TMEM44: variants seen among roughly 807,000 people sequenced by gnomAD.
The protein encoded by TMEM44 is transmembrane protein 44.
TMEM44 carries 43 observed loss-of-function variants against 47.8 expected under a neutral mutation model. The ratio of observed to expected loss-of-function variants is 0.90; its 90% CI spans 0.70 to 1.16. The LOEUF is 1.16. TMEM44 is among the 50% of genes most tolerant of loss of function. The pLI, the probability that TMEM44 is intolerant of heterozygous loss-of-function variation, is 0.00. For synonymous variants in TMEM44, 277 were observed against 238.8 expected (o/e 1.16, Z -1.48); for missense variants, 568 against 555.2 (o/e 1.02, Z -0.23).
chr3:194,632,983 C>A, intron 1 of TMEM44, 96 bp downstream of exon 1: 1 of 1,478,406 alleles, frequency 6.8e-7, no homozygotes. Context: ...CCTTCATCCC[C>A]CTTTCCGCCC....
chr3:194,603,404 CTT>C (rs529989131), intron 9 of TMEM44, among the ~76,000 whole-genome samples: 8 of 146,322 alleles, frequency 5.5e-5, no homozygotes, highest in South Asian at 4.4e-4. Context: ...AGCACTGAGA[CTT>C]TTTTTTTTTT....
chr3:194,597,592 GGAGGTTGCCCTGAGCC>G (rs1490414512), intron 9 of TMEM44, among the ~76,000 whole-genome samples: 5 of 151,592 alleles, frequency 3.3e-5, no homozygotes, highest in African/African-American at 4.9e-5. Flanking sequence ...CCTGGGAGGT[GGAGGTTGCCCTGAGCC>G]GAGATTGCGC....
intron 1 of TMEM44, 150 bp from the exon 2 acceptor site, chr3:194,628,659 T>C: frequency 2.1e-6 from 2 of 958,722 alleles, no homozygotes; most frequent in Non-Finnish European, 2.9e-6. Context: ...AGTTTACAGA[T>C]GGGAACCAAT....
intron 3 of TMEM44, among the ~76,000 whole-genome samples, chr3:194,624,115 G>A (rs73195053): frequency 0.083 from 12,589 of 152,248 alleles, 597 homozygotes; most frequent in African/African-American, 0.12. Context: ...TGGCACCAGC[G>A]GGAACTGTGC....
At chr3:194,627,370 A>C (rs1333699954) in intron 2 of TMEM44, among the ~76,000 whole-genome samples, 1 of 152,212 alleles carries the variant, frequency 6.6e-6, no homozygotes, top group Non-Finnish European at 1.5e-5. Context: ...GACCAGTCCC[A>C]TGAGGTGCCT....
intron 1 of TMEM44, 111 bp from the exon 2 acceptor site, chr3:194,628,620 C>A: frequency 1.5e-6 from 2 of 1,329,122 alleles, no homozygotes; most frequent in Admixed American, 2.8e-5. Flanking sequence ...TCTTTCTGCC[C>A]GAGGTATTTA....
At chr3:194,597,659 A>G (rs1713586920) in intron 9 of TMEM44, among the ~76,000 whole-genome samples, 2 of 151,748 alleles carry the variant, frequency 1.3e-5, no homozygotes, top group South Asian at 2.1e-4. Context: ...CAAAAAAAAA[A>G]AAAAAAGAAA....
chr3:194,595,626 A>AT (rs1183156467), intron 9 of TMEM44, among the ~76,000 whole-genome samples: 31 of 145,466 alleles, frequency 2.1e-4, no homozygotes, highest in African/African-American at 3.8e-4. Context: ...CTCATTCTCT[A>AT]TTTTTTTTTT....
chr3:194,607,236 T>C (rs755433669), intron 8 of TMEM44, among the ~76,000 whole-genome samples: 17 of 152,178 alleles, frequency 1.1e-4, no homozygotes, highest in Admixed American at 4.6e-4. Context: ...CTGCTTGCCT[T>C]TGCCTTCCCC....
At chr3:194,621,079 G>A (rs140121119) in intron 5 of TMEM44, among the ~76,000 whole-genome samples, 16 of 151,996 alleles carry the variant, frequency 1.1e-4, no homozygotes, top group South Asian at 2.1e-4. Context: ...CTGTGAATGC[G>A]GCCTTATTTG....
rs1226669496 is a variant in TMEM44, at chr3:194,633,152, C to A, written c.64G>T (p.Ala22Ser). ...WDWDYLDRCFARHRVCISFGL... is the reference protein window; with the variant it reads ...WDWDYLDRCFSRHRVCISFGL... ...AAGGAGATGCAGACGCGGTGGCGGG[C>A]GAAGCAGCGGTCCAGGTAGTCCCAG... is the stretch of plus-strand genomic sequence containing the variant. The change falls in exon 1 of 10, where the codon GCC (alanine) becomes TCC (serine). Residue 22 changes from alanine to serine, a missense_variant. Ala to Ser is a moderately conservative substitution (Grantham distance 99, BLOSUM62 1). Coordinates refer to ENST00000347147, the MANE Select transcript of TMEM44 (RefSeq NM_001011655.3). The A allele has an allele frequency of 1.9e-6, 3 of 1,549,074 alleles. No individual in the cohort carries two copies. The highest frequency in any genetic ancestry group is 2.4e-5 in the East Asian group (1 of 40,932).
chr3:194,589,515 C>T (rs1195569042), intron 9 of TMEM44: 1 of 152,244 alleles, frequency 6.6e-6, no homozygotes, highest in East Asian at 1.9e-4. Flanking sequence ...ACGTTCGCTC[C>T]TGCTCCTACA....
intron 8 of TMEM44, among the ~76,000 whole-genome samples, chr3:194,609,521 C>T (rs789857): frequency 0.89 from 135,784 of 152,056 alleles, 60,682 homozygotes; most frequent in South Asian, 0.94. Flanking sequence ...TGATGGTGGA[C>T]TTAGCAGCTT....
At chr3:194,625,824 TAAG>T in intron 3 of TMEM44, 70 bp downstream of exon 3, 1 of 1,352,504 alleles carries the variant, frequency 7.4e-7, no homozygotes, top group Non-Finnish European at 1.1e-6. Context: ...CTGGGAGTGA[TAAG>T]GAGTAGGCAT....
At chr3:194,627,989 C>T (rs988547416) in intron 2 of TMEM44, among the ~76,000 whole-genome samples, 1 of 151,526 alleles carries the variant, frequency 6.6e-6, no homozygotes, top group Non-Finnish European at 1.5e-5. Flanking sequence ...AAAAAACAAA[C>T]AAGCAAAAAA....
chr3:194,601,065 T>C (rs1714040746), intron 9 of TMEM44, among the ~76,000 whole-genome samples: 1 of 152,092 alleles, frequency 6.6e-6, no homozygotes, highest in South Asian at 2.1e-4. Flanking sequence ...TCTAAAAATA[T>C]ATTCCTTTTG....
At chr3:194,597,905 C>G (rs1713618584) in intron 9 of TMEM44, among the ~76,000 whole-genome samples, 1 of 152,218 alleles carries the variant, frequency 6.6e-6, no homozygotes, top group South Asian at 2.1e-4. Flanking sequence ...CCTGCTCTCT[C>G]TGGGCCTCTG....
At chr3:194,588,708 G>A in intron 9 of TMEM44, 69 bp from the exon 10 acceptor site, 1 of 1,445,842 alleles carries the variant, frequency 6.9e-7, no homozygotes. Flanking sequence ...CATAACCCCT[G>A]ACCCAAACAA....
chr3:194,613,168 T>A (rs1047279315), intron 7 of TMEM44, among the ~76,000 whole-genome samples: 4 of 151,954 alleles, frequency 2.6e-5, no homozygotes, highest in African/African-American at 9.7e-5. Flanking sequence ...TATTTTTTAT[T>A]TTTATTTATT....
Sources: allele counts gnomAD v4.1 joint callset (sites outside exome capture counted in the v4.1 genomes callset), GRCh38; gene constraint gnomAD v4.1.1; transcripts MANE v1.5; gene names NCBI Gene and HGNC (gene_info 2026-07-23, HGNC 2026-07-21).